The following LAMTOR2 variants were observed in gnomAD, a reference collection of about 807,000 sequenced individuals.
LAMTOR2 encodes late endosomal/lysosomal adaptor, MAPK and MTOR activator 2, also known as ragulator complex protein LAMTOR2.
Under a neutral mutation model 15.8 loss-of-function variants are expected in LAMTOR2, and 4 were observed. The observed-to-expected ratio is 0.25, with a 90% confidence interval of 0.12 to 0.58. The LOEUF is 0.58. Among genes scored for constraint, LAMTOR2 ranks in the 20% least tolerant of loss-of-function variants. The pLI, the probability that LAMTOR2 is intolerant of heterozygous loss-of-function variation, is 0.91. For missense variants in LAMTOR2, 100 were observed against 161.0 expected, an observed-to-expected ratio of 0.62 and a Z score of 2.05; for synonymous variants, 62 against 64.1, an observed-to-expected ratio of 0.97 and a Z score of 0.15.
At chr1:156,057,147 C>T (rs1647397572) in intron 2 of LAMTOR2, among the ~76,000 whole-genome samples, 1 of 140,056 alleles carries the variant, frequency 7.1e-6, no homozygotes, top group African/African-American at 2.7e-5. Flanking sequence ...CACTGCACTC[C>T]AGCCTGGGCA....
Position 156,055,041 on chromosome 1 carries a change from C to T in LAMTOR2, c.68+84C>T. ...CTGAGGGAGGGGTGGGGAAGGATCA[C>T]CAGGAAGGGAGGAAGCGGCAGAGGG... On this transcript the variant is annotated intron_variant, in intron 1 of 3. Transcript: ENST00000368305. This position sits in a 1 kb window ranked among gnomAD's most constrained non-coding sequence, Gnocchi z 4.8. 4.0e-6 allele frequency: 6 copies of T among 1,486,722 alleles called. No individual in the cohort carries two copies. The highest frequency in any genetic ancestry group is 5.6e-6 in the Non-Finnish European group (6 of 1,074,920). 92.1% of individuals were successfully genotyped at this position (1,486,722 alleles called of 1,614,324 possible).
chr1:156,057,229 A>G (rs1647404161), intron 2 of LAMTOR2, among the ~76,000 whole-genome samples: 1 of 150,580 alleles, frequency 6.6e-6, no homozygotes. Flanking sequence ...ACAGTGCCTC[A>G]CTCCTGTAAT....
chr1:156,054,786 C>G lies in LAMTOR2; in HGVS notation c.-104C>G, dbSNP rs544813502. On this transcript the variant is annotated 5_prime_UTR_variant, in exon 1 of 4. Coordinates refer to ENST00000368305, the MANE Select transcript of LAMTOR2 (RefSeq NM_014017.4). ...GGCGAAGAAACTACAACTCCCAGGG[C>G]GTCCCGGAGCAGGCCAACGGGACTA... 4 of 1,112,458 alleles carry G rather than the reference C, an allele frequency of 3.6e-6. No homozygotes were observed. Among genetic ancestry groups the G allele is most frequent in the Non-Finnish European group, 4.0e-6 (3 of 743,662 alleles). The allele number at this position is 1,112,458 out of a possible 1,614,324, so 68.9% of individuals were successfully genotyped here. A position where few individuals can be genotyped will look rare whatever the true frequency, so the allele number is the denominator to read the frequency against.
In LAMTOR2 at chr1:156,058,408, G is replaced by T; in HGVS notation, c.*37G>T. 4 of 1,612,968 alleles carry T rather than the reference G, an allele frequency of 2.5e-6. No homozygotes were observed. The South Asian group carries it at 4.4e-5, about 18-fold the overall frequency. ...GAAGCTGGGGTCAGAAAAGAGAAATGACCATTTGGAGGGGCGGGGCCTCCT... is the reference window on the plus strand; with the variant it reads ...GAAGCTGGGGTCAGAAAAGAGAAATTACCATTTGGAGGGGCGGGGCCTCCT... On this transcript the variant is annotated 3_prime_UTR_variant, in exon 4 of 4. Coordinates refer to ENST00000368305, the MANE Select transcript of LAMTOR2 (RefSeq NM_014017.4).
intron 2 of LAMTOR2, 95 bp from the exon 3 acceptor site, chr1:156,057,883 G>A: frequency 2.5e-6 from 3 of 1,176,884 alleles, no homozygotes; most frequent in South Asian, 2.5e-5. Context: ...ATGGGAGGAA[G>A]ATATAGTCTC....
intron 2 of LAMTOR2, 84 bp from the exon 3 acceptor site, chr1:156,057,894 T>A: frequency 1.5e-6 from 2 of 1,301,912 alleles, no homozygotes; most frequent in Non-Finnish European, 1.1e-6. Flanking sequence ...ATATAGTCTC[T>A]CTGGGGCCAG....
chr1:156,055,231 GCACATCGCTATC>G lies in LAMTOR2; in HGVS notation c.69-30_69-19del. On this transcript the variant is annotated intron_variant, in intron 1 of 3. Coordinates refer to ENST00000368305, the MANE Select transcript of LAMTOR2 (RefSeq NM_014017.4). This position sits in a 1 kb window ranked among gnomAD's most constrained non-coding sequence, Gnocchi z 4.8. ...CCAGACGTTTTACTCCCCGCTCTGA[GCACATCGCTATC>G]CCTCCCCGCCCCTCACCAGGCTGCT... 6.2e-7 allele frequency: 1 copy of G among 1,612,326 alleles called. No individual in the cohort carries two copies. The highest frequency in any genetic ancestry group is 8.5e-7 in the Non-Finnish European group (1 of 1,179,846).
At chr1:156,058,121 A>C (rs1204011520) in intron 3 of LAMTOR2, 54 bp downstream of exon 3, 3 of 1,555,480 alleles carry the variant, frequency 1.9e-6, no homozygotes, top group Non-Finnish European at 8.9e-7. Flanking sequence ...GTGCTTCTAC[A>C]CTGTGTTCAC....
At position 156,055,925 on chromosome 1, in the gene LAMTOR2, A is replaced by G; in HGVS notation, c.231+500A>G. ...AAGGAAAATGAAGTCCAGAAAGGGG[A>G]AGTCACCATTAGATTGTGAACTTCT... On this transcript the variant is annotated intron_variant, in intron 2 of 3. Transcript: ENST00000368305. The surrounding 1 kb of genome is among the most constrained non-coding windows in gnomAD (Gnocchi z 4.8). The G allele has an allele frequency of 5.4e-6, 1 of 184,430 alleles. No homozygotes were observed. The highest frequency in any genetic ancestry group is 1.2e-5 in the Non-Finnish European group (1 of 85,006). The allele number at this position is 184,430 out of a possible 1,614,324, so 11.4% of individuals were successfully genotyped here.
Position 156,055,040 on chromosome 1 carries a change from AC to A in LAMTOR2, c.68+85del. ...CCTGAGGGAGGGGTGGGGAAGGATCACCAGGAAGGGAGGAAGCGGCAGAGGG... is the reference window on the plus strand; with the variant it reads ...CCTGAGGGAGGGGTGGGGAAGGATCACAGGAAGGGAGGAAGCGGCAGAGGG... On this transcript the variant is annotated intron_variant, in intron 1 of 3. Coordinates refer to ENST00000368305, the MANE Select transcript of LAMTOR2 (RefSeq NM_014017.4). This position sits in a 1 kb window ranked among gnomAD's most constrained non-coding sequence, Gnocchi z 4.8. The A allele has an allele frequency of 1.3e-6, 2 of 1,490,206 alleles. No homozygotes were observed. Among genetic ancestry groups the A allele is most frequent in the Non-Finnish European group, 1.9e-6 (2 of 1,078,092 alleles). The allele number at this position is 1,490,206 out of a possible 1,614,324, so 92.3% of individuals were successfully genotyped here.
chr1:156,057,916 G>A lies in LAMTOR2; in HGVS notation c.232-62G>A, dbSNP rs1647426851. ...CTCTCTGGGGCCAGAGAAGCCTTTG[G>A]GGAAGGAGGGTGCTAAGGGTGCCAA... On this transcript the variant is annotated intron_variant, in intron 2 of 3. Coordinates refer to ENST00000368305, the MANE Select transcript of LAMTOR2 (RefSeq NM_014017.4). 9 of 1,473,902 alleles carry A rather than the reference G, an allele frequency of 6.1e-6. No homozygotes were observed. In the East Asian group the frequency reaches 2.0e-4, roughly 33 times the overall value. The allele number at this position is 1,473,902 out of a possible 1,614,324, so 91.3% of individuals were successfully genotyped here. A position where few individuals can be genotyped will look rare whatever the true frequency, so the allele number is the denominator to read the frequency against.
At chr1:156,056,668 G>C (rs1484627362) in intron 2 of LAMTOR2, among the ~76,000 whole-genome samples, 1 of 152,132 alleles carries the variant, frequency 6.6e-6, no homozygotes, top group African/African-American at 2.4e-5. Flanking sequence ...TAAATACCTA[G>C]TAAAAGTTTG....
Position 156,055,092 on chromosome 1 carries a change from G to C in LAMTOR2, c.68+135G>C. On this transcript the variant is annotated intron_variant, in intron 1 of 3. Coordinates refer to ENST00000368305, the MANE Select transcript of LAMTOR2 (RefSeq NM_014017.4). The surrounding 1 kb of genome is among the most constrained non-coding windows in gnomAD (Gnocchi z 4.8). ...GGCAGCGGCTGGGGATACCGGCCGG[G>C]AGGTCCCCTGTCGAAAAGGGAAGCC... The C allele has an allele frequency of 7.4e-7, 1 of 1,347,420 alleles. No individual in the cohort carries two copies. 83.5% of individuals were successfully genotyped at this position (1,347,420 alleles called of 1,614,324 possible).
rs931755665 is a variant in LAMTOR2, at chr1:156,054,837, G to A, written c.-53G>A. 8 of 1,575,708 alleles carry A rather than the reference G, an allele frequency of 5.1e-6. No homozygotes were observed. The highest frequency in any genetic ancestry group is 1.3e-5 in the African/African-American group (1 of 74,092). On this transcript the variant is annotated 5_prime_UTR_variant, in exon 1 of 4. Transcript: ENST00000368305. ...CGGGAAGCAGCGGGCAGCGGCCCGC[G>A]GGAGGCACCTCGGAGATCTGGGTGC...
chr1:156,055,413 C>T lies in LAMTOR2; in HGVS notation c.219C>T (p.Leu73=). ...AFNEDNLKFI[L]MDCMEGRVAI... is the part of the protein sequence containing the mutation. ...ATGAAGACAATCTCAAATTCATCCT[C>T]ATGGACTGCATGGTATGGAGAGGGG... The change falls in exon 2 of 4, where the codon CTC becomes CTT. Residue 73 remains leucine, a synonymous_variant. Transcript: ENST00000368305. This position sits in a 1 kb window ranked among gnomAD's most constrained non-coding sequence, Gnocchi z 4.8. The T allele has an allele frequency of 1.2e-6, 2 of 1,614,238 alleles. No homozygotes were observed. The highest frequency in any genetic ancestry group is 1.7e-6 in the Non-Finnish European group (2 of 1,180,036).
chr1:156,055,144 C>T lies in LAMTOR2; in HGVS notation c.69-119C>T. 2.0e-6 allele frequency: 3 copies of T among 1,476,198 alleles called. No individual in the cohort carries two copies. Among genetic ancestry groups the T allele is most frequent in the Non-Finnish European group, 2.8e-6 (3 of 1,065,372 alleles). 91.4% of individuals were successfully genotyped at this position (1,476,198 alleles called of 1,614,324 possible). On this transcript the variant is annotated intron_variant, in intron 1 of 3. Coordinates refer to ENST00000368305, the MANE Select transcript of LAMTOR2 (RefSeq NM_014017.4). This position sits in a 1 kb window ranked among gnomAD's most constrained non-coding sequence, Gnocchi z 4.8. ...GTGTGCTGGGTGCTTAGGGCATGTT[C>T]CGGGACACGCTCAGGCCAGAGCCTT...
Position 156,054,812 on chromosome 1 carries a change from C to G in LAMTOR2, c.-78C>G. 6.9e-7 allele frequency: 1 copy of G among 1,451,390 alleles called. No homozygotes were observed. The highest frequency in any genetic ancestry group is 9.6e-7 in the Non-Finnish European group (1 of 1,043,116). 89.9% of individuals were successfully genotyped at this position (1,451,390 alleles called of 1,614,324 possible). A position where few individuals can be genotyped will look rare whatever the true frequency, so the allele number is the denominator to read the frequency against. On this transcript the variant is annotated 5_prime_UTR_variant, in exon 1 of 4. Coordinates refer to ENST00000368305, the MANE Select transcript of LAMTOR2 (RefSeq NM_014017.4). ...GTCCCGGAGCAGGCCAACGGGACTACGGGAAGCAGCGGGCAGCGGCCCGCG... is the reference window on the plus strand; with the variant it reads ...GTCCCGGAGCAGGCCAACGGGACTAGGGGAAGCAGCGGGCAGCGGCCCGCG...
rs747856790 is a variant in LAMTOR2 at position 156,058,010 on chromosome 1, C to A, written c.264C>A (p.Asn88Lys). 4.3e-6 allele frequency: 7 copies of A among 1,614,148 alleles called. No homozygotes were observed. Among genetic ancestry groups the A allele is most frequent in the Admixed American group, 1.7e-5 (1 of 60,016 alleles). ...GTGTAGCCATCACCCGAGTGGCCAACCTTCTGCTGTGTATGTATGCCAAGG... is the reference window on the plus strand; with the variant it reads ...GTGTAGCCATCACCCGAGTGGCCAAACTTCTGCTGTGTATGTATGCCAAGG... ...EGRVAITRVA[N>K]LLLCMYAKET... Residue 88 changes from asparagine to lysine, a missense_variant, in exon 3 of 4, where the codon AAC becomes AAA. Asn to Lys is a moderately conservative substitution (Grantham distance 94). Coordinates refer to ENST00000368305, the MANE Select transcript of LAMTOR2 (RefSeq NM_014017.4).
At position 156,055,455 on chromosome 1, in the gene LAMTOR2, TC is replaced by T; in HGVS notation, c.231+35del. ...GGAGAGGGGAGCCAGACTTCCCCTG[TC>T]CCCCAAAGGGGATCCCAAGGGGGCG... On this transcript the variant is annotated intron_variant, in intron 2 of 3. Coordinates refer to ENST00000368305, the MANE Select transcript of LAMTOR2 (RefSeq NM_014017.4). This position sits in a 1 kb window ranked among gnomAD's most constrained non-coding sequence, Gnocchi z 4.8. 2 of 1,613,782 alleles carry T rather than the reference TC, an allele frequency of 1.2e-6. No homozygotes were observed. Among genetic ancestry groups the T allele is most frequent in the Non-Finnish European group, 1.7e-6 (2 of 1,179,860 alleles).
Sources: allele counts gnomAD v4.1 joint callset (sites outside exome capture counted in the v4.1 genomes callset), GRCh38; gene constraint gnomAD v4.1.1; non-coding constraint Gnocchi (gnomAD v3.1); transcripts MANE v1.5; gene names NCBI Gene and HGNC (gene_info 2026-07-23, HGNC 2026-07-21).